TBC1D4: variants seen among roughly 807,000 people sequenced by gnomAD.
The protein encoded by TBC1D4 is TBC1 domain family member 4.
In TBC1D4, 121 loss-of-function variants were observed where a neutral mutation model predicts 142.5. The observed-to-expected ratio is 0.85, with a 90% confidence interval of 0.73 to 0.99. The LOEUF is 0.99. Among genes scored for constraint, TBC1D4 ranks in the 50% least tolerant of loss-of-function variants. TBC1D4 has a pLI of 0.00. For missense variants in TBC1D4, 1,475 were observed against 1,606.6 expected (o/e 0.92, Z 1.40); for synonymous variants, 630 against 628.2 (o/e 1.00, Z -0.04).
At chr13:75,429,925 A>C (rs7983963) in intron 1 of TBC1D4, among the ~76,000 whole-genome samples, 63,218 of 152,026 alleles carry the variant, frequency 0.42, 17,764 homozygotes, top group African/African-American at 0.8. Context: ...TGAATTTTGT[A>C]ATCTACATAA....
At chr13:75,453,360 T>C (rs766453138) in intron 1 of TBC1D4, among the ~76,000 whole-genome samples, 1 of 152,214 alleles carries the variant, frequency 6.6e-6, no homozygotes, top group East Asian at 1.9e-4. Flanking sequence ...TTATTTTTAA[T>C]ACAATAATAA....
chr13:75,405,795 T>C (rs994412838), intron 1 of TBC1D4, among the ~76,000 whole-genome samples: 2 of 150,992 alleles, frequency 1.3e-5, no homozygotes, highest in Admixed American at 1.3e-4. Context: ...TTAACCACTA[T>C]GTACAAAATA....
At chr13:75,360,005 AAT>A (rs1882370076) in intron 2 of TBC1D4, 147 bp from the exon 3 acceptor site, 1 of 669,082 alleles carries the variant, frequency 1.5e-6, no homozygotes, top group South Asian at 2.1e-5. Context: ...TAATCCAACC[AAT>A]ATTTTTAACC....
intron 1 of TBC1D4, among the ~76,000 whole-genome samples, chr13:75,416,593 G>T (rs1191873261): frequency 6.6e-6 from 1 of 152,140 alleles, no homozygotes; most frequent in Non-Finnish European, 1.5e-5. Context: ...TACTCAAAAG[G>T]CACAAAGCAA....
At chr13:75,290,522 AAT>A (rs1875183173) in intron 19 of TBC1D4, among the ~76,000 whole-genome samples, 3 of 152,166 alleles carry the variant, frequency 2.0e-5, no homozygotes, top group Non-Finnish European at 4.4e-5. Context: ...CTAAAAGCAT[AAT>A]ATCTGATTCC....
chr13:75,286,809 T>C lies in TBC1D4; in HGVS notation c.3880A>G (p.Ile1294Val). The change falls in exon 21 of 21, where the codon ATA becomes GTA. Residue 1294 changes from isoleucine to valine, a missense_variant. Ile to Val is a conservative substitution (Grantham distance 29). Coordinates refer to ENST00000377636, the MANE Select transcript of TBC1D4 (RefSeq NM_014832.5). ...CTCTTCAATTATGGCTTATTTCCTA[T>C]CTTGGCTTTGTTGTTAGGGTTGCAG... ...LNCNPNNKAK[I>V]GNKP The C allele has an allele frequency of 6.2e-7, 1 of 1,613,820 alleles. No homozygotes were observed. The highest frequency in any genetic ancestry group is 8.5e-7 in the Non-Finnish European group (1 of 1,179,904).
At chr13:75,391,093 T>C (rs1385588293) in intron 1 of TBC1D4, among the ~76,000 whole-genome samples, 2 of 143,598 alleles carry the variant, frequency 1.4e-5, no homozygotes, top group Admixed American at 6.9e-5. Context: ...GTATATCAGA[T>C]GTCATGGCCT....
At chr13:75,287,189 T>G (rs73220004) in intron 20 of TBC1D4, among the ~76,000 whole-genome samples, 164 bp from the exon 21 acceptor site, 1 of 152,166 alleles carries the variant, frequency 6.6e-6, no homozygotes, top group Non-Finnish European at 1.5e-5. Context: ...TTCACAAAGA[T>G]GTAACTATGG....
intron 1 of TBC1D4, among the ~76,000 whole-genome samples, chr13:75,448,034 T>C (rs1182450112): frequency 6.6e-6 from 1 of 152,126 alleles, no homozygotes; most frequent in African/African-American, 2.4e-5. Context: ...TCTTGAATCA[T>C]CCCAAAACCA....
intron 1 of TBC1D4, among the ~76,000 whole-genome samples, chr13:75,390,891 G>T (rs1201268892): frequency 2.1e-5 from 3 of 141,586 alleles, no homozygotes; most frequent in Admixed American, 1.4e-4. Flanking sequence ...GGGAGGGAAG[G>T]TGAGGATCTA....
intron 1 of TBC1D4, among the ~76,000 whole-genome samples, chr13:75,446,913 T>C (rs908217238): frequency 2.6e-5 from 4 of 152,046 alleles, no homozygotes; most frequent in African/African-American, 9.7e-5. Flanking sequence ...GCAGGAATTG[T>C]GGTGGCCAAG....
chr13:75,296,381 C>T (rs913575728), intron 17 of TBC1D4, among the ~76,000 whole-genome samples: 3 of 152,156 alleles, frequency 2.0e-5, no homozygotes, highest in Admixed American at 6.5e-5. Context: ...AAAGAAAGCA[C>T]GTCATCAAAA....
At chr13:75,316,782 G>A (rs955490723) in intron 12 of TBC1D4, among the ~76,000 whole-genome samples, 1 of 152,146 alleles carries the variant, frequency 6.6e-6, no homozygotes, top group African/African-American at 2.4e-5. Flanking sequence ...GGTGGAGGGA[G>A]TTTATTTCTT....
chr13:75,351,776 G>C (rs1480645505), intron 4 of TBC1D4, among the ~76,000 whole-genome samples: 2 of 151,916 alleles, frequency 1.3e-5, no homozygotes, highest in Non-Finnish European at 2.9e-5. Flanking sequence ...AGTATTCCAT[G>C]GTGTATATGT....
chr13:75,404,606 T>A (rs2138365986), intron 1 of TBC1D4, among the ~76,000 whole-genome samples: 1 of 152,260 alleles, frequency 6.6e-6, no homozygotes, highest in African/African-American at 2.4e-5. Context: ...ACCACAGATG[T>A]AAAGTGCCAT....
intron 8 of TBC1D4, among the ~76,000 whole-genome samples, chr13:75,331,081 C>T (rs1335305621): frequency 1.3e-5 from 2 of 152,090 alleles, no homozygotes; most frequent in Non-Finnish European, 2.9e-5. Context: ...CAAAGAAAAA[C>T]AAAGTTACTT....
At chr13:75,288,215 T>A (rs1179534041) in intron 20 of TBC1D4, among the ~76,000 whole-genome samples, 3 of 152,112 alleles carry the variant, frequency 2.0e-5, no homozygotes, top group Non-Finnish European at 4.4e-5. Flanking sequence ...CATGTCTCCC[T>A]CTCTTCCAAT....
intron 12 of TBC1D4, among the ~76,000 whole-genome samples, chr13:75,315,254 G>A (rs1204331777): frequency 6.6e-6 from 1 of 151,572 alleles, no homozygotes; most frequent in African/African-American, 2.4e-5. Context: ...GTTGCAGTGA[G>A]CCGAGATCGC....
intron 1 of TBC1D4, among the ~76,000 whole-genome samples, chr13:75,455,270 C>A (rs1325771054): frequency 1.3e-5 from 2 of 152,194 alleles, no homozygotes; most frequent in South Asian, 4.1e-4. Context: ...GGGGCCCCCA[C>A]TCCGTACACC....
Sources: allele counts gnomAD v4.1 joint callset (sites outside exome capture counted in the v4.1 genomes callset), GRCh38; gene constraint gnomAD v4.1.1; transcripts MANE v1.5; gene names NCBI Gene and HGNC (gene_info 2026-07-23, HGNC 2026-07-21).